ERBB4: variants seen among roughly 807,000 people sequenced by gnomAD.
ERBB4 encodes receptor tyrosine-protein kinase erbB-4.
ERBB4 carries 42 observed loss-of-function variants against 158.0 expected under a neutral mutation model. The observed-to-expected ratio is 0.27, with a 90% confidence interval of 0.21 to 0.34. The LOEUF (loss-of-function observed/expected upper bound fraction) is 0.34. Among genes scored for constraint, ERBB4 ranks in the 10% least tolerant of loss-of-function variants. The probability of loss-of-function intolerance (pLI) is 1.00; values close to 1 mark genes in which losing one functional copy is unlikely to be tolerated. For synonymous variants in ERBB4, 583 were observed against 558.7 expected, an observed-to-expected ratio of 1.04 and a Z score of -0.61; for missense variants, 1,333 against 1,624.1, an observed-to-expected ratio of 0.82 and a Z score of 3.08.
chr2:211,738,004 A>T (rs2074659001), intron 5 of ERBB4, among the ~76,000 whole-genome samples: 1 of 151,838 alleles, frequency 6.6e-6, no homozygotes, highest in Non-Finnish European at 1.5e-5. Flanking sequence ...ACTATGGAAC[A>T]TTCGTTTCAT....
intron 3 of ERBB4, among the ~76,000 whole-genome samples, chr2:211,825,812 C>T (rs936791488): frequency 4.8e-5 from 7 of 146,354 alleles, no homozygotes; most frequent in African/African-American, 1.7e-4. Context: ...TTATATAATA[C>T]ATTAGTTATA....
intron 1 of ERBB4, among the ~76,000 whole-genome samples, chr2:212,348,042 T>C (rs2089089415): frequency 6.6e-6 from 1 of 152,086 alleles, no homozygotes; most frequent in South Asian, 2.1e-4. Context: ...CAATGAACTA[T>C]AATGCTTAGT....
intron 16 of ERBB4, among the ~76,000 whole-genome samples, chr2:211,635,705 C>A (rs1257733333): frequency 6.6e-6 from 1 of 152,032 alleles, no homozygotes; most frequent in Non-Finnish European, 1.5e-5. Context: ...TAAGGACTGG[C>A]TATCTTTTAA....
chr2:211,484,110 G>A (rs1418123957), intron 20 of ERBB4, among the ~76,000 whole-genome samples: 1 of 152,038 alleles, frequency 6.6e-6, no homozygotes, highest in Non-Finnish European at 1.5e-5. Flanking sequence ...AAGATAGACT[G>A]ATAAATTAAA....
At chr2:211,420,982 A>G (rs1226120153) in intron 24 of ERBB4, among the ~76,000 whole-genome samples, 1 of 152,012 alleles carries the variant, frequency 6.6e-6, no homozygotes, top group Admixed American at 6.6e-5. Flanking sequence ...TCAATTTATC[A>G]ACGTTTATTT....
rs777598333 is a variant in ERBB4 at position 211,377,114 on chromosome 2, C to G, written c.*6501G>C. The G allele has an allele frequency of 4.3e-6, 1 of 232,584 alleles. No homozygotes were observed. The highest frequency in any genetic ancestry group is 5.6e-5 in the Admixed American group (1 of 17,704). The allele number at this position is 232,584 out of a possible 1,614,324, so 14.4% of individuals were successfully genotyped here. On this transcript the variant is annotated 3_prime_UTR_variant, in exon 28 of 28. Coordinates refer to ENST00000342788, the MANE Select transcript of ERBB4 (RefSeq NM_005235.3). ...GTGCTATGGTTGTAGTCCCCTCACT[C>G]CCCCCTCCCAGCCCCTGAGAGATCC...
chr2:212,458,671 G>C (rs953810871), intron 1 of ERBB4, among the ~76,000 whole-genome samples: 2 of 152,040 alleles, frequency 1.3e-5, no homozygotes, highest in African/African-American at 4.8e-5. Flanking sequence ...AGATTTAATG[G>C]GGAGATGCTG....
chr2:211,542,350 CTA>C (rs2066832264), intron 20 of ERBB4, among the ~76,000 whole-genome samples: 1 of 151,962 alleles, frequency 6.6e-6, no homozygotes, highest in Admixed American at 6.6e-5. Context: ...AGTTGTGACA[CTA>C]TGGAGTGGAA....
intron 18 of ERBB4, among the ~76,000 whole-genome samples, chr2:211,620,730 C>A (rs7592143): frequency 1.3e-3 from 198 of 152,118 alleles, no homozygotes; most frequent in African/African-American, 4.3e-3. Flanking sequence ...GGAAAACAGG[C>A]TTATTATTCA....
At chr2:211,440,223 G>A (rs569412370) in intron 20 of ERBB4, among the ~76,000 whole-genome samples, 6 of 152,250 alleles carry the variant, frequency 3.9e-5, no homozygotes, top group East Asian at 3.9e-4. Context: ...TAGGAGAAGC[G>A]AATCATGTAG....
chr2:211,455,085 T>C (rs1387993667), intron 20 of ERBB4, among the ~76,000 whole-genome samples: 1 of 152,262 alleles, frequency 6.6e-6, no homozygotes, highest in African/African-American at 2.4e-5. Context: ...CTGTCTTTAG[T>C]GTCCGTTTTA....
At chr2:211,712,285 A>G (rs1024366705) in intron 8 of ERBB4, 109 bp from the exon 9 acceptor site, 25 of 1,049,804 alleles carry the variant, frequency 2.4e-5, no homozygotes, top group Middle Eastern at 2.1e-4. Flanking sequence ...TAACATATAA[A>G]ATATATTACA....
At chr2:212,077,751 T>C (rs576647718) in intron 2 of ERBB4, among the ~76,000 whole-genome samples, 3 of 152,194 alleles carry the variant, frequency 2.0e-5, no homozygotes, top group South Asian at 4.1e-4. Context: ...TTTATGCTTA[T>C]TGCACATTTC....
chr2:212,327,624 A>G (rs2087911744), intron 1 of ERBB4, among the ~76,000 whole-genome samples: 1 of 151,976 alleles, frequency 6.6e-6, no homozygotes, highest in South Asian at 2.1e-4. Context: ...GTTAAACATT[A>G]AGTGGGTCTG....
At chr2:211,449,593 T>C (rs1233813689) in intron 20 of ERBB4, among the ~76,000 whole-genome samples, 1 of 152,194 alleles carries the variant, frequency 6.6e-6, no homozygotes, top group Non-Finnish European at 1.5e-5. Flanking sequence ...ATACCATCTG[T>C]GAAGAAATGC....
intron 2 of ERBB4, among the ~76,000 whole-genome samples, chr2:212,021,091 T>G (rs1292461148): frequency 1.3e-5 from 2 of 152,182 alleles, no homozygotes; most frequent in Non-Finnish European, 2.9e-5. Context: ...TTCTTATATG[T>G]TTTAGTAAGA....
At chr2:211,944,187 A>ATACAC (rs2080601175) in intron 3 of ERBB4, among the ~76,000 whole-genome samples, 1 of 47,064 alleles carries the variant, frequency 2.1e-5, no homozygotes, top group African/African-American at 1.1e-4. Flanking sequence ...CTATATATAT[A>ATACAC]TATATATATA....
chr2:211,681,703 A>T (rs1461772222), intron 12 of ERBB4, among the ~76,000 whole-genome samples: 1 of 151,956 alleles, frequency 6.6e-6, no homozygotes, highest in East Asian at 1.9e-4. Flanking sequence ...TTTAAATTGT[A>T]TTGATTGTTT....
At chr2:212,453,081 T>G (rs1574948613) in intron 1 of ERBB4, among the ~76,000 whole-genome samples, 1 of 152,316 alleles carries the variant, frequency 6.6e-6, no homozygotes, top group Admixed American at 6.5e-5. Flanking sequence ...ACTAGTCAAA[T>G]ACTTCTTTTC....
Sources: allele counts gnomAD v4.1 joint callset (sites outside exome capture counted in the v4.1 genomes callset), GRCh38; gene constraint gnomAD v4.1.1; transcripts MANE v1.5; gene names NCBI Gene and HGNC (gene_info 2026-07-23, HGNC 2026-07-21).